Variants in VWA8 observed in about 807,000 individuals in gnomAD.
The protein encoded by VWA8 is von Willebrand factor A domain-containing protein 8.
A neutral mutation model predicts 241.5 loss-of-function variants in VWA8; 221 were observed. That is an observed-to-expected ratio of 0.91 (90% confidence interval 0.82 to 1.02). VWA8 has a LOEUF of 1.02. Among genes scored for constraint, VWA8 ranks in the 50% least tolerant of loss-of-function variants. The pLI is 0.00. For missense variants in VWA8, 2,322 were observed against 2,328.7 expected, an observed-to-expected ratio of 1.00 and a Z score of 0.06; for synonymous variants, 852 against 827.1, an observed-to-expected ratio of 1.03 and a Z score of -0.52.
intron 37 of VWA8, among the ~76,000 whole-genome samples, chr13:41,645,664 T>A (rs936471660): frequency 2.0e-5 from 3 of 152,076 alleles, no homozygotes; most frequent in Non-Finnish European, 4.4e-5. Context: ...TCATGACTGT[T>A]CCATGAAAGA....
chr13:41,584,209 G>A (rs997584860), intron 42 of VWA8, among the ~76,000 whole-genome samples: 1 of 152,102 alleles, frequency 6.6e-6, no homozygotes, highest in Non-Finnish European at 1.5e-5. Flanking sequence ...AAATAAAGGA[G>A]AAAGTTTAAA....
Position 41,830,628 on chromosome 13 carries a change from C to A in VWA8, c.1601G>T (p.Arg534Leu). 6.2e-7 allele frequency: 1 copy of A among 1,613,178 alleles called. No homozygotes were observed. Among genetic ancestry groups the A allele is most frequent in the East Asian group, 2.2e-5 (1 of 44,852 alleles). Reference sequence around the variant, plus strand: ...AGAACCATCATAGAGGCTTAGCTCTCGATCATGGATTAACCTAACAAGATA... The same window carrying A: ...AGAACCATCATAGAGGCTTAGCTCTAGATCATGGATTAACCTAACAAGATA... ...LAVLQRLIHD[R>L]ELSLYDGSRL... The change falls in exon 14 of 45, where the codon CGA becomes CTA. Residue 534 changes from arginine to leucine, a missense_variant. Arg to Leu is a moderately radical substitution (Grantham distance 102). Coordinates refer to ENST00000379310, the MANE Select transcript of VWA8 (RefSeq NM_015058.2).
At chr13:41,936,288 G>T (rs1877345313) in intron 2 of VWA8, among the ~76,000 whole-genome samples, 1 of 152,076 alleles carries the variant, frequency 6.6e-6, no homozygotes. Context: ...ATTAAGCAGG[G>T]TTAGAACACA....
chr13:41,570,622 CTTT>C lies in VWA8; in HGVS notation c.5452_5454del (p.Lys1818del). The C allele has an allele frequency of 6.2e-7, 1 of 1,614,240 alleles. No individual in the cohort carries two copies. The highest frequency in any genetic ancestry group is 8.5e-7 in the Non-Finnish European group (1 of 1,180,046). On this transcript the variant is annotated inframe_deletion, in exon 44 of 45. Transcript: ENST00000379310. ...ATGACAAAGTACTCATCAGCTTCTTCTTTGACAATTTCCTTGATGGCATGTTCT... is the reference window on the plus strand; with the variant it reads ...ATGACAAAGTACTCATCAGCTTCTTCGACAATTTCCTTGATGGCATGTTCT...
At chr13:41,571,944 GC>G (rs879237993) in intron 43 of VWA8, among the ~76,000 whole-genome samples, 3 of 152,106 alleles carry the variant, frequency 2.0e-5, no homozygotes, top group African/African-American at 7.2e-5. Context: ...GATGTGAGGA[GC>G]CCCTCTGACC....
chr13:41,641,970 T>C (rs2044798388), intron 37 of VWA8, among the ~76,000 whole-genome samples: 1 of 152,138 alleles, frequency 6.6e-6, no homozygotes, highest in African/African-American at 2.4e-5. Context: ...AACCAGTCGG[T>C]CATATGTCTT....
intron 40 of VWA8, among the ~76,000 whole-genome samples, chr13:41,603,980 T>C (rs2044538068): frequency 6.6e-6 from 1 of 152,178 alleles, no homozygotes; most frequent in Non-Finnish European, 1.5e-5. Flanking sequence ...GCAGAAGATG[T>C]ATCTTAGTTT....
At chr13:41,824,473 T>C (rs971796260) in intron 14 of VWA8, among the ~76,000 whole-genome samples, 5 of 152,272 alleles carry the variant, frequency 3.3e-5, no homozygotes, top group African/African-American at 9.6e-5. Flanking sequence ...TAAGGAGAGA[T>C]ATCTAGTAGT....
intron 43 of VWA8, among the ~76,000 whole-genome samples, chr13:41,571,867 G>A (rs977194412): frequency 6.6e-6 from 1 of 151,978 alleles, no homozygotes; most frequent in Admixed American, 6.5e-5. Context: ...AGTGAGGGGC[G>A]CCTCTTCCCG....
rs562514516 is a variant in VWA8, at chr13:41,744,134, T to G, written c.2427-11979A>C. 1.8e-3 allele frequency among the ~76,000 whole-genome samples: 268 copies of G among 152,282 alleles called. No homozygotes were observed. In the Middle Eastern group the frequency reaches 0.024, roughly 14 times the overall value. On this transcript the variant is annotated intron_variant, in intron 21 of 44. Transcript: ENST00000379310. ...AGGTGGGGTAACTGAGTAGTAACAT[T>G]CACGCTCCAGAACTCCCTGTGAAGA...
At chr13:41,835,810 C>G (rs1369032564) in intron 12 of VWA8, among the ~76,000 whole-genome samples, 27 of 151,572 alleles carry the variant, frequency 1.8e-4, no homozygotes, top group Admixed American at 1.7e-3. Flanking sequence ...AATATAAAAA[C>G]AGATAAATTT....
chr13:41,803,833 G>C (rs1207084219), intron 17 of VWA8, among the ~76,000 whole-genome samples: 3 of 152,116 alleles, frequency 2.0e-5, no homozygotes, highest in Non-Finnish European at 4.4e-5. Context: ...ATGTAACAAA[G>C]AAATTGAAAT....
intron 14 of VWA8, among the ~76,000 whole-genome samples, chr13:41,821,963 A>G (rs967022653): frequency 1.3e-5 from 2 of 152,146 alleles, no homozygotes; most frequent in Admixed American, 6.5e-5. Flanking sequence ...TATGAGCTCT[A>G]TATAATGACC....
At chr13:41,698,587 G>A (rs754317539) in intron 29 of VWA8, among the ~76,000 whole-genome samples, 5 of 152,072 alleles carry the variant, frequency 3.3e-5, no homozygotes, top group Admixed American at 6.6e-5. Context: ...ACCAAAAAAC[G>A]TCATTCGGGT....
At position 41,687,618 on chromosome 13, in the gene VWA8, T is replaced by A. The variant is rs186394958; in HGVS notation, c.4131+1736A>T. On this transcript the variant is annotated intron_variant, in intron 34 of 44. Transcript: ENST00000379310. ...TGTGGCCTAGGGGATATAAGCTCTG[T>A]CTGTTTCTATTTTTTTCATTTGTAA... Among the ~76,000 whole-genome samples, 64 of 152,276 alleles carry A rather than the reference T, an allele frequency of 4.2e-4. No individual in the cohort carries two copies. The East Asian group carries it at 7.7e-3, about 18-fold the overall frequency.
chr13:41,819,171 G>C, intron 15 of VWA8, 47 bp downstream of exon 15: 3 of 1,558,564 alleles, frequency 1.9e-6, no homozygotes, highest in Non-Finnish European at 2.6e-6. Flanking sequence ...GCCTTAAAAA[G>C]AGATCAGCTT....
chr13:41,620,401 T>A (rs1026786058), intron 37 of VWA8, among the ~76,000 whole-genome samples: 1 of 152,192 alleles, frequency 6.6e-6, no homozygotes, highest in African/African-American at 2.4e-5. Flanking sequence ...TCTATTCTGT[T>A]GATCTTTTCA....
In VWA8 at chr13:41,587,578, A is replaced by C. The variant is rs754240179; in HGVS notation, c.5205T>G (p.Leu1735=). ...MYRFNRMDGR[L]ERTMEAVCMV... is the part of the protein sequence containing the mutation. Reference sequence around the variant, plus strand: ...TACACACAGCCTCCATTGTGCGCTCAAGCCGGCCATCCATCCTGTTGAAAC... The same window carrying C: ...TACACACAGCCTCCATTGTGCGCTCCAGCCGGCCATCCATCCTGTTGAAAC... Residue 1735 remains leucine, a synonymous_variant, in exon 42 of 45, where the codon CTT becomes CTG. Coordinates refer to ENST00000379310, the MANE Select transcript of VWA8 (RefSeq NM_015058.2). 1.9e-5 allele frequency: 31 copies of C among 1,614,164 alleles called. No individual in the cohort carries two copies. The South Asian group carries it at 3.1e-4, about 16-fold the overall frequency.
chr13:41,592,571 A>G lies in VWA8; in HGVS notation c.4987-1806T>C, dbSNP rs537805668. Among the ~76,000 whole-genome samples, 11 of 119,152 alleles carry G rather than the reference A, an allele frequency of 9.2e-5. No individual in the cohort carries two copies. The South Asian group carries it at 2.0e-3, about 22-fold the overall frequency. The allele number at this position is 119,152 out of a possible 152,430, so 78.2% of individuals were successfully genotyped here. On this transcript the variant is annotated intron_variant, in intron 40 of 44. Coordinates refer to ENST00000379310, the MANE Select transcript of VWA8 (RefSeq NM_015058.2). ...AAGATCTTTACTCTTATTTGTTTTG[A>G]AAAAAAAAAAAAGACGTTATAGCTT...
Sources: gnomAD v4.1 joint callset for allele counts (sites outside exome capture counted in the v4.1 genomes callset) on GRCh38, gnomAD v4.1.1 for gene constraint, MANE v1.5 for transcripts, NCBI Gene and HGNC (gene_info 2026-07-23, HGNC 2026-07-21) for gene names.